The following MTUS2 variants were observed in gnomAD, a reference collection of about 807,000 sequenced individuals.
MTUS2 encodes microtubule associated scaffold protein 2.
A neutral mutation model predicts 114.1 loss-of-function variants in MTUS2; 40 were observed. That is an observed-to-expected ratio of 0.35 (90% CI 0.27 to 0.46). MTUS2 has a LOEUF of 0.46. Among genes scored for constraint, MTUS2 ranks in the 20% least tolerant of loss-of-function variants. The probability of loss-of-function intolerance (pLI) is 1.00; values close to 1 mark genes in which losing one functional copy is unlikely to be tolerated. For missense variants in MTUS2, 1,679 were observed against 1,705.4 expected (o/e 0.98, Z 0.27); for synonymous variants, 688 against 672.0 (o/e 1.02, Z -0.37).
chr13:29,195,663 C>T (rs78770647), intron 5 of MTUS2, among the ~76,000 whole-genome samples: 2,273 of 152,012 alleles, frequency 0.015, 62 homozygotes, highest in East Asian at 0.14. Flanking sequence ...CCTGTGGAGG[C>T]CAAGGGAAGG....
chr13:29,160,978 G>A (rs562322494), intron 5 of MTUS2, among the ~76,000 whole-genome samples: 2 of 152,236 alleles, frequency 1.3e-5, no homozygotes, highest in African/African-American at 4.8e-5. Flanking sequence ...TAGAAACGGA[G>A]AATAGTAGTT....
chr13:28,874,325 T>C (rs1196902437), intron 2 of MTUS2, among the ~76,000 whole-genome samples: 1 of 152,202 alleles, frequency 6.6e-6, no homozygotes, highest in East Asian at 1.9e-4. Flanking sequence ...TAGCCATCTT[T>C]CAAGATAAAC....
intron 5 of MTUS2, among the ~76,000 whole-genome samples, chr13:29,117,259 A>G (rs1272770216): frequency 6.6e-6 from 1 of 152,116 alleles, no homozygotes; most frequent in Non-Finnish European, 1.5e-5. Flanking sequence ...CAGCCACAGC[A>G]TTTTGTGTCT....
intron 9 of MTUS2, among the ~76,000 whole-genome samples, chr13:29,440,734 A>G (rs1877776096): frequency 6.6e-6 from 1 of 151,522 alleles, no homozygotes; most frequent in African/African-American, 2.4e-5. Context: ...ATTGCCCGCT[A>G]TTCTCTTTAC....
At chr13:29,488,495 C>T (rs1881809453) in intron 11 of MTUS2, among the ~76,000 whole-genome samples, 1 of 133,920 alleles carries the variant, frequency 7.5e-6, no homozygotes, top group South Asian at 2.3e-4. Context: ...GGCTGGAGTG[C>T]AGTGGTGCGA....
chr13:28,984,568 T>TA (rs1410494044), intron 2 of MTUS2, among the ~76,000 whole-genome samples: 1 of 152,164 alleles, frequency 6.6e-6, no homozygotes, highest in Non-Finnish European at 1.5e-5. Context: ...GTGCCTACGA[T>TA]AGAGTTGTTT....
intron 2 of MTUS2, among the ~76,000 whole-genome samples, chr13:28,921,703 C>T (rs911365462): frequency 2.6e-5 from 4 of 152,152 alleles, no homozygotes; most frequent in African/African-American, 4.8e-5. Context: ...ACTCAGGTTC[C>T]ACCTGCTGGG....
intron 5 of MTUS2, among the ~76,000 whole-genome samples, chr13:29,158,531 A>G (rs983789793): frequency 1.3e-5 from 2 of 151,892 alleles, no homozygotes; most frequent in African/African-American, 4.8e-5. Flanking sequence ...TAGCAATTCA[A>G]GAGAGCTGTT....
At chr13:28,962,938 C>CCA (rs1883395824) in intron 2 of MTUS2, among the ~76,000 whole-genome samples, 1 of 152,156 alleles carries the variant, frequency 6.6e-6, no homozygotes, top group South Asian at 2.1e-4. Context: ...CTATCCTGCA[C>CCA]CATCAGTATC....
intron 8 of MTUS2, among the ~76,000 whole-genome samples, chr13:29,401,706 C>T (rs1874362492): frequency 6.6e-6 from 1 of 152,126 alleles, no homozygotes; most frequent in African/African-American, 2.4e-5. Flanking sequence ...CGTGGATCAG[C>T]TTGTTTATAT....
intron 6 of MTUS2, among the ~76,000 whole-genome samples, chr13:29,315,364 G>C (rs1406346026): frequency 6.6e-6 from 1 of 152,164 alleles, no homozygotes; most frequent in Non-Finnish European, 1.5e-5. Context: ...GAGGTGATGG[G>C]TATGCTAGTT....
At chr13:29,379,278 G>C (rs895198785) in intron 8 of MTUS2, among the ~76,000 whole-genome samples, 3 of 152,208 alleles carry the variant, frequency 2.0e-5, no homozygotes, top group Admixed American at 2.0e-4. Flanking sequence ...GAGTGGCAGA[G>C]CCAAGGCTGC....
At chr13:29,152,975 G>A (rs1892719307) in intron 5 of MTUS2, among the ~76,000 whole-genome samples, 1 of 152,116 alleles carries the variant, frequency 6.6e-6, no homozygotes, top group Admixed American at 6.5e-5. Flanking sequence ...TTTCTTTTCT[G>A]GGAGGCTTAA....
intron 2 of MTUS2, among the ~76,000 whole-genome samples, chr13:29,006,882 T>C (rs1395322789): frequency 6.6e-6 from 1 of 152,204 alleles, no homozygotes; most frequent in African/African-American, 2.4e-5. Flanking sequence ...CCTTCATCCA[T>C]TGAACTCAGG....
At chr13:29,428,800 C>T (rs376746259) in intron 8 of MTUS2, 139 of 1,613,054 alleles carry the variant, frequency 8.6e-5, no homozygotes, top group Non-Finnish European at 1.1e-4. Context: ...TGCCCGCTGA[C>T]ACCTTGAATG....
At chr13:29,051,767 A>G (rs1054914465) in intron 4 of MTUS2, among the ~76,000 whole-genome samples, 2 of 152,228 alleles carry the variant, frequency 1.3e-5, no homozygotes, top group African/African-American at 2.4e-5. Flanking sequence ...TCTCTTTACA[A>G]GAACACTTTA....
chr13:29,339,059 G>C (rs190511202), intron 7 of MTUS2, among the ~76,000 whole-genome samples: 1 of 152,214 alleles, frequency 6.6e-6, no homozygotes, highest in Non-Finnish European at 1.5e-5. Flanking sequence ...AAGGTGGCAG[G>C]GCCCTGACTC....
At chr13:29,346,803 A>T (rs1296051451) in intron 7 of MTUS2, among the ~76,000 whole-genome samples, 2 of 147,134 alleles carry the variant, frequency 1.4e-5, no homozygotes, top group Non-Finnish European at 3.0e-5. Flanking sequence ...AAAAGCAGAA[A>T]TGGCTTCCCT....
chr13:29,121,378 T>C (rs957854138), intron 5 of MTUS2, among the ~76,000 whole-genome samples: 1 of 152,166 alleles, frequency 6.6e-6, no homozygotes, highest in African/African-American at 2.4e-5. Context: ...TTACTTTATA[T>C]TGCTTAAGAA....
Sources: gnomAD v4.1 joint callset for allele counts (sites outside exome capture counted in the v4.1 genomes callset) on GRCh38, gnomAD v4.1.1 for gene constraint, MANE v1.5 for transcripts, NCBI Gene and HGNC (gene_info 2026-07-23, HGNC 2026-07-21) for gene names.